Variants in STK33 observed in about 807,000 individuals in gnomAD.
The protein encoded by STK33 is serine/threonine kinase 33.
Under a neutral mutation model 58.0 loss-of-function variants are expected in STK33, and 52 were observed. The ratio of observed to expected loss-of-function variants is 0.90; its 90% CI spans 0.72 to 1.13. The LOEUF (loss-of-function observed/expected upper bound fraction) is 1.13. Among genes scored for constraint, STK33 ranks in the 50% most tolerant of loss-of-function variants. The pLI, the probability that STK33 is intolerant of heterozygous loss-of-function variation, is 0.00. For synonymous variants in STK33, 215 were observed against 200.1 expected (o/e 1.07, Z -0.63); for missense variants, 630 against 604.2 (o/e 1.04, Z -0.45).
At position 8,436,079 on chromosome 11, in the gene STK33, T is replaced by C. The variant is rs769124423; in HGVS notation, c.1008A>G (p.Arg336=). 1.9e-6 allele frequency: 3 copies of C among 1,597,318 alleles called. No homozygotes were observed. The highest frequency in any genetic ancestry group is 1.3e-5 in the African/African-American group (1 of 74,534). ...SSEEKLFELI[R]KGELHFENAV... is the part of the protein sequence containing the mutation. ...CATTTTCAAAATGTAGTTCTCCTTT[T>C]CTTATTAACTCAAAAAGCTTCTCTT... The change falls in exon 13 of 16, where the codon AGA becomes AGG. Residue 336 remains arginine, a synonymous_variant. Transcript: ENST00000687296.
chr11:8,432,366 A>C (rs558588523), intron 14 of STK33, among the ~76,000 whole-genome samples: 6 of 152,220 alleles, frequency 3.9e-5, no homozygotes, highest in Non-Finnish European at 8.8e-5. Context: ...CAGTAAAAGG[A>C]AACAAGGAAG....
At chr11:8,373,498 G>C in the STK33 span, among the ~76,000 whole-genome samples, 1 of 152,152 alleles carries the variant, frequency 6.6e-6, no homozygotes, top group Non-Finnish European at 1.5e-5. Context: ...GAGGGTGCTA[G>C]TATGAGGATC....
chr11:8,438,314 T>C (rs1157943354), intron 12 of STK33, among the ~76,000 whole-genome samples: 1 of 152,212 alleles, frequency 6.6e-6, no homozygotes, highest in Non-Finnish European at 1.5e-5. Flanking sequence ...CTTCCTACTA[T>C]TTTGTTGCAT....
chr11:8,405,504 A>G (rs1197432965), intron 15 of STK33, among the ~76,000 whole-genome samples: 1 of 147,810 alleles, frequency 6.8e-6, no homozygotes. Context: ...TATTGCAAAT[A>G]TTTTCTCCCT....
the STK33 span, among the ~76,000 whole-genome samples, chr11:8,353,382 C>T: frequency 6.6e-6 from 1 of 152,208 alleles, no homozygotes; most frequent in Admixed American, 6.5e-5. Context: ...TGTCTCTAGT[C>T]ACCCGGTTTT....
intron 1 of STK33, among the ~76,000 whole-genome samples, chr11:8,520,247 T>C (rs575627319): frequency 1.3e-5 from 2 of 152,148 alleles, no homozygotes; most frequent in African/African-American, 2.4e-5. Context: ...AAAAACCACA[T>C]GATTATCTCA....
intron 6 of STK33, among the ~76,000 whole-genome samples, chr11:8,469,353 C>T (rs937473783): frequency 2.0e-5 from 3 of 152,236 alleles, no homozygotes; most frequent in African/African-American, 7.2e-5. Flanking sequence ...ACTTTCTTTG[C>T]TCATCCATAA....
At chr11:8,491,038 C>A (rs1322856809) in intron 1 of STK33, among the ~76,000 whole-genome samples, 2 of 152,184 alleles carry the variant, frequency 1.3e-5, no homozygotes, top group African/African-American at 2.4e-5. Context: ...CTCTTCTCCT[C>A]CAAAGGATTG....
rs1409716493 is a variant in STK33 at position 8,487,800 on chromosome 11, A to G, written c.-465-7186T>C. ...TCTCCAAAATTTTTCTCATCCACAA[A>G]AGCAATGAAAAAATGGCAAAAAAAA... On this transcript the variant is annotated intron_variant, in intron 1 of 15. Coordinates refer to ENST00000687296, the MANE Select transcript of STK33 (RefSeq NM_001352389.2). Among the ~76,000 whole-genome samples, 9 of 152,336 alleles carry G rather than the reference A, an allele frequency of 5.9e-5. No individual in the cohort carries two copies. In the South Asian group the frequency reaches 1.0e-3, roughly 18 times the overall value.
chr11:8,475,035 G>A lies in STK33; in HGVS notation c.-130C>T. 2.8e-6 allele frequency: 2 copies of A among 726,924 alleles called. No individual in the cohort carries two copies. Among genetic ancestry groups the A allele is most frequent in the East Asian group, 5.4e-5 (2 of 36,800 alleles). 45.0% of individuals were successfully genotyped at this position (726,924 alleles called of 1,614,324 possible). A position where few individuals can be genotyped will look rare whatever the true frequency, so the allele number is the denominator to read the frequency against. Reference sequence around the variant, plus strand: ...CGAACTGGTGAAGTCCTCAGGTTAAGGATGCACTAGACACATATTCACACG... The same window carrying A: ...CGAACTGGTGAAGTCCTCAGGTTAAAGATGCACTAGACACATATTCACACG... On this transcript the variant is annotated 5_prime_UTR_variant, in exon 5 of 16. Coordinates refer to ENST00000687296, the MANE Select transcript of STK33 (RefSeq NM_001352389.2).
intron 12 of STK33, among the ~76,000 whole-genome samples, chr11:8,437,550 G>C (rs1163081901): frequency 6.6e-6 from 1 of 152,194 alleles, no homozygotes; most frequent in African/African-American, 2.4e-5. Context: ...GAATAAAATG[G>C]CATAATTTCA....
chr11:8,528,973 A>T (rs1954290234), intron 1 of STK33, among the ~76,000 whole-genome samples: 2 of 152,318 alleles, frequency 1.3e-5, no homozygotes, highest in East Asian at 3.9e-4. Context: ...TGTTATCATT[A>T]TCCCTGTTTT....
At chr11:8,369,457 G>A in the STK33 span, among the ~76,000 whole-genome samples, 1 of 150,282 alleles carries the variant, frequency 6.7e-6, no homozygotes, top group Non-Finnish European at 1.5e-5. Flanking sequence ...GGAGCTTCCA[G>A]AGAATGAGGA....
downstream of STK33, among the ~76,000 whole-genome samples, chr11:8,389,637 G>A (rs528163483): frequency 4.6e-5 from 7 of 152,300 alleles, no homozygotes; most frequent in East Asian, 5.8e-4. Context: ...CAACAGCGCG[G>A]CTGGAATTTA....
chr11:8,477,477 A>T (rs1949389537), intron 2 of STK33, among the ~76,000 whole-genome samples, 194 bp from the exon 3 acceptor site: 1 of 152,276 alleles, frequency 6.6e-6, no homozygotes, highest in Middle Eastern at 3.4e-3. Flanking sequence ...TATTGATTTT[A>T]TGGTACTTTT....
At chr11:8,536,954 A>ATT (rs1955060883) in intron 1 of STK33, among the ~76,000 whole-genome samples, 7 of 129,494 alleles carry the variant, frequency 5.4e-5, no homozygotes, top group African/African-American at 2.0e-4. Context: ...GCTAATTAAA[A>ATT]AAAAAAAAAA....
the STK33 span, among the ~76,000 whole-genome samples, chr11:8,361,827 G>A: frequency 6.6e-6 from 1 of 152,232 alleles, no homozygotes; most frequent in Non-Finnish European, 1.5e-5. This position sits in a 1 kb window ranked among gnomAD's most constrained non-coding sequence, Gnocchi z 4.8. Flanking sequence ...ACGGCAGCGA[G>A]TGGGCACCCA....
rs114844256 is a variant in STK33 at position 8,551,743 on chromosome 11, G to A, written c.-466+42340C>T. Among the ~76,000 whole-genome samples, 590 of 152,198 alleles carry A rather than the reference G, an allele frequency of 3.9e-3. 7 individuals are homozygous for A. The highest frequency in any genetic ancestry group is 0.013 in the African/African-American group (560 of 41,516). ...TACCCCAGAACTATATTGCTGTCCC[G>A]TTATTGCTTCCTAATCTAGGAAAAA... On this transcript the variant is annotated intron_variant, in intron 1 of 15. Coordinates refer to ENST00000687296, the MANE Select transcript of STK33 (RefSeq NM_001352389.2).
intron 15 of STK33, among the ~76,000 whole-genome samples, chr11:8,407,143 T>C (rs550856341): frequency 1.6e-3 from 240 of 152,264 alleles, no homozygotes; most frequent in Non-Finnish European, 2.7e-3. Context: ...TAGTGAATTA[T>C]GTTGTTTGAT....
Sources: gnomAD v4.1 joint callset for allele counts (sites outside exome capture counted in the v4.1 genomes callset) on GRCh38, gnomAD v4.1.1 for gene constraint, Gnocchi (gnomAD v3.1) non-coding constraint, MANE v1.5 for transcripts, NCBI Gene and HGNC (gene_info 2026-07-23, HGNC 2026-07-21) for gene names.